Variants in POU2AF1 observed in about 807,000 individuals in gnomAD.
POU2AF1 encodes POU domain class 2-associating factor 1.
POU2AF1 carries 12 observed loss-of-function variants against 26.3 expected under a neutral mutation model. The ratio of observed to expected loss-of-function variants is 0.46; its 90% CI spans 0.29 to 0.74. The LOEUF is 0.74. Among genes scored for constraint, POU2AF1 ranks in the 30% least tolerant of loss-of-function variants. The pLI is 0.09. For missense variants in POU2AF1, 297 were observed against 334.5 expected (o/e 0.89, Z 0.87); for synonymous variants, 175 against 148.0 (o/e 1.18, Z -1.32).
chr11:111,377,055 T>C (rs1861321820), intron 1 of POU2AF1, among the ~76,000 whole-genome samples: 3 of 152,036 alleles, frequency 2.0e-5, no homozygotes, highest in African/African-American at 4.8e-5. Context: ...GTCTCCAGGG[T>C]GTGAGCAGGA....
chr11:111,375,651 G>A (rs1436425171), intron 1 of POU2AF1, among the ~76,000 whole-genome samples: 1 of 151,990 alleles, frequency 6.6e-6, no homozygotes, highest in Non-Finnish European at 1.5e-5. Flanking sequence ...TGCCCGCCTT[G>A]GCCTCCCAAA....
At chr11:111,379,022 C>CCCT in intron 1 of POU2AF1, 140 bp downstream of exon 1, 1 of 552,058 alleles carries the variant, frequency 1.8e-6, no homozygotes, top group Non-Finnish European at 3.2e-6. Flanking sequence ...CCCCTCCCTG[C>CCCT]TCCGGGGCTT....
intron 1 of POU2AF1, among the ~76,000 whole-genome samples, chr11:111,360,385 T>C (rs1228989386): frequency 1.3e-5 from 2 of 152,004 alleles, no homozygotes; most frequent in African/African-American, 4.8e-5. Flanking sequence ...GCTGATAAGG[T>C]CCCATGCCTG....
Position 111,354,546 on chromosome 11 carries a change from C to A in POU2AF1, c.486G>T (p.Gly162=). 1.9e-6 allele frequency: 3 copies of A among 1,544,622 alleles called. No individual in the cohort carries two copies. Among genetic ancestry groups the A allele is most frequent in the Non-Finnish European group, 1.7e-6 (2 of 1,151,140 alleles). Residue 162 remains glycine, a synonymous_variant, in exon 5 of 5, where the codon GGG becomes GGT. Coordinates refer to ENST00000393067, the MANE Select transcript of POU2AF1 (RefSeq NM_006235.3). ...GGTGCTCTGGGCCCTCCAGCGGGGG[C>A]CCCACTGCGGGCGTGGCGGAGCTTC... is the stretch of plus-strand genomic sequence containing the variant. ...TTRSSATPAV[G]PPLEGPEHQA...
chr11:111,357,577 ATAC>A lies in POU2AF1; in HGVS notation c.321_323del (p.Glu107_Tyr108delinsAsp), dbSNP rs756878261. The A allele has an allele frequency of 6.2e-7, 1 of 1,614,114 alleles. No homozygotes were observed. The highest frequency in any genetic ancestry group is 1.7e-5 in the Admixed American group (1 of 60,014). Reference sequence around the variant, plus strand: ...GGCAGCTGACAGCTTCATGGGGCACATACTCGGTGTAAGGTGTCCATGGGGCCA... The same window carrying A: ...GGCAGCTGACAGCTTCATGGGGCACATCGGTGTAAGGTGTCCATGGGGCCA... On this transcript the variant is annotated inframe_deletion, in exon 4 of 5. Transcript: ENST00000393067.
chr11:111,357,980 C>G, intron 2 of POU2AF1, 143 bp from the exon 3 acceptor site: 1 of 911,536 alleles, frequency 1.1e-6, no homozygotes, highest in Non-Finnish European at 1.6e-6. Flanking sequence ...CACCCCGTAT[C>G]CCAACCATCA....
chr11:111,369,059 T>G (rs1264676536), intron 1 of POU2AF1, among the ~76,000 whole-genome samples: 1 of 152,204 alleles, frequency 6.6e-6, no homozygotes, highest in Non-Finnish European at 1.5e-5. Flanking sequence ...TGTCTCTACC[T>G]GCCTTCATTA....
In POU2AF1 at chr11:111,353,033, GGAAGGA is replaced by G. The variant is rs1860765337; in HGVS notation, c.*1222_*1227del. 1 of 150,308 alleles carries G rather than the reference GGAAGGA, an allele frequency of 6.7e-6. No homozygotes were observed. Among genetic ancestry groups the G allele is most frequent in the Admixed American group, 7.8e-5 (1 of 12,816 alleles). The allele number at this position is 150,308 out of a possible 1,614,324, so 9.3% of individuals were successfully genotyped here. A position where few individuals can be genotyped will look rare whatever the true frequency, so the allele number is the denominator to read the frequency against. On this transcript the variant is annotated 3_prime_UTR_variant, in exon 5 of 5. Transcript: ENST00000393067. The stretch of plus-strand genomic sequence containing the variant: ...AGGAAGGAAGGAAGGAAGGAAGGAA[GGAAGGA>G]AGGAAGGAAGGAAGGAAAGAAACAA...
Position 111,365,052 on chromosome 11 carries a change from T to A in POU2AF1, c.17-6134A>T, listed in dbSNP as rs116231121. Among the ~76,000 whole-genome samples the A allele has an allele frequency of 5.1e-3, 775 of 152,306 alleles. 11 individuals are homozygous for A. The highest frequency in any genetic ancestry group is 0.017 in the African/African-American group (725 of 41,576). On this transcript the variant is annotated intron_variant, in intron 1 of 4. Transcript: ENST00000393067. ...AACAGAACTTTTCCTGAGACCATCA[T>A]GTAAGGACCACTTTCTTGGAGGATG...
At position 111,352,963 on chromosome 11, in the gene POU2AF1, G is replaced by GAGGAAGGAAGGAAGGAAGGA. The variant is rs1187817196; in HGVS notation, c.*1278_*1297dup. On this transcript the variant is annotated 3_prime_UTR_variant, in exon 5 of 5. Transcript: ENST00000393067. ...AAACCAAAAAAAAGAAAGAAAGAGA[G>GAGGAAGGAAGGAAGGAAGGA]AGGAAGGAAGGAAGGAAGGAAGGAA... is the stretch of plus-strand genomic sequence containing the variant. 1 of 137,512 alleles carries GAGGAAGGAAGGAAGGAAGGA rather than the reference G, an allele frequency of 7.3e-6. No individual in the cohort carries two copies. The highest frequency in any genetic ancestry group is 3.5e-5 in the African/African-American group (1 of 28,776). The allele number at this position is 137,512 out of a possible 1,614,324, so 8.5% of individuals were successfully genotyped here. A position where few individuals can be genotyped will look rare whatever the true frequency, so the allele number is the denominator to read the frequency against.
intron 1 of POU2AF1, among the ~76,000 whole-genome samples, chr11:111,376,509 T>C (rs1410048616): frequency 6.6e-6 from 1 of 152,178 alleles, no homozygotes; most frequent in African/African-American, 2.4e-5. Context: ...GATTTCTACT[T>C]CTCTGTGCCA....
intron 1 of POU2AF1, among the ~76,000 whole-genome samples, chr11:111,368,128 C>A (rs570598728): frequency 6.6e-6 from 1 of 152,200 alleles, no homozygotes; most frequent in African/African-American, 2.4e-5. Context: ...TTTAGAATTA[C>A]AAACTGTGAC....
At chr11:111,368,117 A>G (rs1478230181) in intron 1 of POU2AF1, among the ~76,000 whole-genome samples, 3 of 152,178 alleles carry the variant, frequency 2.0e-5, no homozygotes, top group African/African-American at 7.2e-5. Flanking sequence ...GCACAAACAA[A>G]TTTAGAATTA....
chr11:111,371,377 A>T (rs1327982220), intron 1 of POU2AF1, among the ~76,000 whole-genome samples: 1 of 152,198 alleles, frequency 6.6e-6, no homozygotes, highest in Admixed American at 6.5e-5. Flanking sequence ...TTCAAGTGTC[A>T]TTCTGCTCAC....
rs1860781457 is a variant in POU2AF1, at chr11:111,353,742, C to T, written c.*519G>A. 4.0e-6 allele frequency: 1 copy of T among 250,468 alleles called. No homozygotes were observed. The highest frequency in any genetic ancestry group is 7.6e-6 in the Non-Finnish European group (1 of 131,054). The allele number at this position is 250,468 out of a possible 1,614,324, so 15.5% of individuals were successfully genotyped here. ...TTCAGCAGGCACTGGAGGAAGGAGG[C>T]CTTTTCCAAGAAATGAAATGTGACA... On this transcript the variant is annotated 3_prime_UTR_variant, in exon 5 of 5. Transcript: ENST00000393067.
chr11:111,359,754 C>G (rs373209310), intron 1 of POU2AF1, among the ~76,000 whole-genome samples: 2 of 152,234 alleles, frequency 1.3e-5, no homozygotes, highest in Non-Finnish European at 2.9e-5. Flanking sequence ...AGATTATAAA[C>G]GTCTCAAGGT....
rs1376373085 is a variant in POU2AF1 at position 111,354,515 on chromosome 11, G to A, written c.517C>T (p.Pro173Ser). 6 of 1,581,610 alleles carry A rather than the reference G, an allele frequency of 3.8e-6. No homozygotes were observed. The South Asian group carries it at 5.8e-5, about 15-fold the overall frequency. ...TGAGGCCACGGGAAATAGGTGAGGG[G>A]TGCCTGGTGCTCTGGGCCCTCCAGC... The part of the protein sequence containing the change: ...PPLEGPEHQA[P>S]LTYFPWPQPL... The change falls in exon 5 of 5, where the codon CCC (proline) becomes TCC (serine). Residue 173 changes from proline to serine, a missense_variant. Transcript: ENST00000393067.
chr11:111,379,148 GCCAAA>G lies in POU2AF1; in HGVS notation c.16+9_16+13del. 1 of 1,614,094 alleles carries G rather than the reference GCCAAA, an allele frequency of 6.2e-7. No individual in the cohort carries two copies. Among genetic ancestry groups the G allele is most frequent in the Non-Finnish European group, 8.5e-7 (1 of 1,179,998 alleles). On this transcript the variant is annotated intron_variant, in intron 1 of 4. Coordinates refer to ENST00000393067, the MANE Select transcript of POU2AF1 (RefSeq NM_006235.3). Reference sequence around the variant, plus strand: ...CACTCGCTTGGGTCTGACAGCCACAGCCAAACCACTTACGTTTTTGCCAGAGCATG... The same window carrying G: ...CACTCGCTTGGGTCTGACAGCCACAGCCACTTACGTTTTTGCCAGAGCATG...
At chr11:111,377,572 T>G (rs970428079) in intron 1 of POU2AF1, among the ~76,000 whole-genome samples, 1 of 152,052 alleles carries the variant, frequency 6.6e-6, no homozygotes, top group Admixed American at 6.5e-5. Context: ...TAAGGATAGA[T>G]CCTCAGTGTG....
Sources: allele counts gnomAD v4.1 joint callset (sites outside exome capture counted in the v4.1 genomes callset), GRCh38; gene constraint gnomAD v4.1.1; transcripts MANE v1.5; gene names NCBI Gene and HGNC (gene_info 2026-07-23, HGNC 2026-07-21).